The following PTPRF variants were observed in gnomAD, a reference collection of about 807,000 sequenced individuals.
The protein encoded by PTPRF is receptor-type tyrosine-protein phosphatase F.
Under a neutral mutation model 201.8 loss-of-function variants are expected in PTPRF, and 59 were observed. The observed-to-expected ratio is 0.29, with a 90% CI of 0.24 to 0.36. PTPRF has a LOEUF of 0.36. PTPRF is among the 10% of genes least tolerant of loss of function. PTPRF has a pLI of 1.00. For synonymous variants in PTPRF, 1,088 were observed against 1,089.7 expected (o/e 1.00, Z 0.03); for missense variants, 2,132 against 2,690.5 (o/e 0.79, Z 4.59).
chr1:43,595,768 TGGAG>T, intron 11 of PTPRF, among the ~76,000 whole-genome samples: 1 of 151,688 alleles, frequency 6.6e-6, no homozygotes, highest in South Asian at 2.1e-4. Flanking sequence ...TAGCAAGAGA[TGGAG>T]GGAGCTGCTG....
intron 24 of PTPRF, 46 bp from the exon 25 acceptor site, chr1:43,617,690 T>C: frequency 6.2e-7 from 1 of 1,602,032 alleles, no homozygotes; most frequent in Non-Finnish European, 8.5e-7. Context: ...TGGGCTGGGC[T>C]GGGGACCCTG....
chr1:43,607,164 G>A lies in PTPRF; in HGVS notation c.3857+196G>A, dbSNP rs557743116. Among the ~76,000 whole-genome samples, 8 of 152,346 alleles carry A rather than the reference G, an allele frequency of 5.3e-5. 1 individual carries two copies. In the South Asian group the frequency reaches 1.7e-3, roughly 32 times the overall value. On this transcript the variant is annotated intron_variant, in intron 21 of 33. Coordinates refer to ENST00000359947, the MANE Select transcript of PTPRF (RefSeq NM_002840.5). ...GCAGGCCTGCATCTGTCAGGTGAGG[G>A]AGCCTCTGCAGCAGCCTGGGCGTGA...
chr1:43,529,431 A>G (rs1643267051), upstream of PTPRF, among the ~76,000 whole-genome samples: 2 of 152,140 alleles, frequency 1.3e-5, no homozygotes, highest in Non-Finnish European at 2.9e-5. Flanking sequence ...GCACATTACC[A>G]CGTGATCCCT....
chr1:43,558,268 C>G (rs1320269851), intron 5 of PTPRF, among the ~76,000 whole-genome samples: 1 of 152,244 alleles, frequency 6.6e-6, no homozygotes, highest in East Asian at 1.9e-4. Context: ...AGGTGAAGAT[C>G]AGTGTGCCCC....
intron 16 of PTPRF, among the ~76,000 whole-genome samples, chr1:43,604,432 C>T (rs1654545753): frequency 1.3e-5 from 2 of 152,152 alleles, no homozygotes; most frequent in Admixed American, 6.5e-5. Context: ...TGACCTTGAC[C>T]CACTGATCTC....
intron 3 of PTPRF, among the ~76,000 whole-genome samples, chr1:43,550,944 G>A (rs777037580): frequency 6.8e-4 from 104 of 152,208 alleles, no homozygotes; most frequent in Non-Finnish European, 1.1e-3. Context: ...GGAACATGAC[G>A]TTGCTCTTTA....
At chr1:43,591,772 A>C in intron 9 of PTPRF, 40 bp from the exon 10 acceptor site, 1 of 1,609,648 alleles carries the variant, frequency 6.2e-7, no homozygotes, top group Non-Finnish European at 8.5e-7. Flanking sequence ...CCCTGACCTC[A>C]CGCAGATGAG....
In PTPRF at chr1:43,619,690, GC is replaced by G; in HGVS notation, c.4944del (p.Ser1649ProfsTer23). 6.2e-7 allele frequency: 1 copy of G among 1,614,076 alleles called. No individual in the cohort carries two copies. Among genetic ancestry groups the G allele is most frequent in the Non-Finnish European group, 8.5e-7 (1 of 1,179,946 alleles). On this transcript the variant is annotated frameshift_variant, in exon 29 of 34. Coordinates refer to ENST00000359947, the MANE Select transcript of PTPRF (RefSeq NM_002840.5). LOFTEE classifies it high-confidence loss of function. ...CCTGCCTCTCAATAGTTGCTGGCCA[GC>G]TCCAAGGCCCACACGTCCCGCTTCA... ...AMELEFKLLA[S>X]SKAHTSRFIS...
At chr1:43,573,674 G>A (rs537864623) in intron 6 of PTPRF, among the ~76,000 whole-genome samples, 20 of 152,358 alleles carry the variant, frequency 1.3e-4, no homozygotes, top group East Asian at 1.9e-4. Flanking sequence ...TCTTGGACAC[G>A]AATACACCCC....
chr1:43,560,630 C>T (rs1557712450), intron 5 of PTPRF, among the ~76,000 whole-genome samples: 1 of 152,102 alleles, frequency 6.6e-6, no homozygotes, highest in Non-Finnish European at 1.5e-5. Context: ...TCTGGGACCC[C>T]GCAGGATCCC....
intron 23 of PTPRF, among the ~76,000 whole-genome samples, chr1:43,614,500 G>A (rs1657244603): frequency 6.6e-6 from 1 of 152,170 alleles, no homozygotes; most frequent in South Asian, 2.1e-4. Flanking sequence ...GTGACTCTGA[G>A]CATCCCCAGG....
At chr1:43,600,155 AC>A (rs973912846) in intron 13 of PTPRF, among the ~76,000 whole-genome samples, 2 of 152,108 alleles carry the variant, frequency 1.3e-5, no homozygotes, top group Non-Finnish European at 2.9e-5. Context: ...AGGCATGTGC[AC>A]CCACCTGCAT....
intron 8 of PTPRF, among the ~76,000 whole-genome samples, chr1:43,590,586 C>T (rs1385759362): frequency 1.3e-5 from 2 of 152,222 alleles, no homozygotes; most frequent in Non-Finnish European, 2.9e-5. Flanking sequence ...ACCAGGTGGG[C>T]TCAGGTGACC....
chr1:43,600,698 G>A (rs1352984696), intron 13 of PTPRF, among the ~76,000 whole-genome samples: 2 of 152,020 alleles, frequency 1.3e-5, no homozygotes, highest in East Asian at 1.9e-4. Context: ...CTCCTTTTAC[G>A]TCAGATTCCA....
chr1:43,589,459 C>G (rs965779287), intron 8 of PTPRF, among the ~76,000 whole-genome samples: 15 of 151,904 alleles, frequency 9.9e-5, no homozygotes, highest in Non-Finnish European at 2.2e-4. Context: ...GGTTTAATAG[C>G]CTCCCAGCAA....
intron 20 of PTPRF, 74 bp downstream of exon 20, chr1:43,606,532 A>AC: frequency 2.2e-6 from 3 of 1,381,150 alleles, no homozygotes; most frequent in Non-Finnish European, 3.0e-6. Context: ...AGTCTCAAAC[A>AC]CCACAAGACC....
Position 43,588,072 on chromosome 1 carries a change from C to T in PTPRF, c.680-659C>T, listed in dbSNP as rs1478201578. 6.6e-6 allele frequency among the ~76,000 whole-genome samples: 1 copy of T among 152,206 alleles called. No individual in the cohort carries two copies. The highest frequency in any genetic ancestry group is 1.5e-5 in the Non-Finnish European group (1 of 68,028). ...CCTGCCCGCAGACCATGTCCCTGGC[C>T]TGCCCTGACCCCTGCCCCTCCCCAG... On this transcript the variant is annotated intron_variant, in intron 7 of 33. Transcript: ENST00000359947. This position sits in a 1 kb window ranked among gnomAD's most constrained non-coding sequence, Gnocchi z 5.3.
At chr1:43,591,983 C>T in intron 10 of PTPRF, 35 bp downstream of exon 10, 2 of 1,610,188 alleles carry the variant, frequency 1.2e-6, no homozygotes, top group Non-Finnish European at 1.7e-6. Flanking sequence ...GAGGGGGTCT[C>T]CTGGTCCCTG....
At position 43,553,758 on chromosome 1, in the gene PTPRF, G is replaced by A; in HGVS notation, c.238-42G>A. On this transcript the variant is annotated intron_variant, in intron 4 of 33. Coordinates refer to ENST00000359947, the MANE Select transcript of PTPRF (RefSeq NM_002840.5). The surrounding 1 kb of genome is among the most constrained non-coding windows in gnomAD (Gnocchi z 4.1). ...GACAACTGACCCTGAGCAGGCTCCTGTGTCCTGAGTAGGCTGTGACCCCAT... is the reference window on the plus strand; with the variant it reads ...GACAACTGACCCTGAGCAGGCTCCTATGTCCTGAGTAGGCTGTGACCCCAT... The A allele has an allele frequency of 6.2e-7, 1 of 1,613,364 alleles. No homozygotes were observed. Among genetic ancestry groups the A allele is most frequent in the Non-Finnish European group, 8.5e-7 (1 of 1,179,630 alleles).
Sources: gnomAD v4.1 joint callset for allele counts (sites outside exome capture counted in the v4.1 genomes callset) on GRCh38, gnomAD v4.1.1 for gene constraint, Gnocchi (gnomAD v3.1) non-coding constraint, MANE v1.5 for transcripts, NCBI Gene and HGNC (gene_info 2026-07-23, HGNC 2026-07-21) for gene names.